BRWD1: variants seen among roughly 807,000 people sequenced by gnomAD.
BRWD1 encodes the protein bromodomain and WD repeat domain containing 1, also known as bromodomain and WD repeat-containing protein 1.
Under a neutral mutation model 251.2 loss-of-function variants are expected in BRWD1, and 82 were observed. That is an observed-to-expected ratio of 0.33 (90% CI 0.27 to 0.39). The LOEUF is 0.39. Among genes scored for constraint, BRWD1 ranks in the 10% least tolerant of loss-of-function variants. The pLI is 1.00. For missense variants in BRWD1, 2,233 were observed against 2,711.6 expected (o/e 0.82, Z 3.92); for synonymous variants, 918 against 902.8 (o/e 1.02, Z -0.30).
intron 15 of BRWD1, among the ~76,000 whole-genome samples, chr21:39,268,905 G>A (rs141360789): frequency 1.8e-3 from 269 of 152,026 alleles, no homozygotes; most frequent in African/African-American, 6.2e-3. Flanking sequence ...GGAGAATAGC[G>A]TGAACCCGGG....
At chr21:39,303,438 G>A (rs1236026207) in intron 4 of BRWD1, among the ~76,000 whole-genome samples, 1 of 149,190 alleles carries the variant, frequency 6.7e-6, no homozygotes, top group Non-Finnish European at 1.5e-5. Context: ...AGAATCGCTT[G>A]AGCCCAGGAG....
chr21:39,189,279 C>CA lies in BRWD1; in HGVS notation c.*6979dup. The CA allele has an allele frequency of 1.0e-6, 1 of 984,284 alleles. No homozygotes were observed. Among genetic ancestry groups the CA allele is most frequent in the Non-Finnish European group, 1.2e-6 (1 of 828,908 alleles). The allele number at this position is 984,284 out of a possible 1,614,324, so 61.0% of individuals were successfully genotyped here. A position where few individuals can be genotyped will look rare whatever the true frequency, so the allele number is the denominator to read the frequency against. ...GAACAGATAACTGGTTCATTCCCAA[C>CA]AACCTATTCATCCAGACAAATAGAT... On this transcript the variant is annotated 3_prime_UTR_variant, in exon 41 of 41. Coordinates refer to ENST00000342449, the MANE Select transcript of BRWD1 (RefSeq NM_033656.4).
chr21:39,229,786 G>A (rs990725687), intron 25 of BRWD1, among the ~76,000 whole-genome samples: 1 of 152,004 alleles, frequency 6.6e-6, no homozygotes, highest in African/African-American at 2.4e-5. Flanking sequence ...TAGGCTGGAG[G>A]GCAGTAGCAC....
chr21:39,264,726 C>T (rs747664593), intron 16 of BRWD1, 41 bp from the exon 17 acceptor site: 24 of 1,520,766 alleles, frequency 1.6e-5, no homozygotes, highest in Non-Finnish European at 8.9e-7. Flanking sequence ...TTAAGGTTCA[C>T]ACATTTTAAA....
Position 39,186,778 on chromosome 21 carries a change from G to T in BRWD1, c.*9481C>A, listed in dbSNP as rs1156721870. The stretch of plus-strand genomic sequence containing the variant: ...TCTGGAAAGGAATAGTAGTCTTATA[G>T]CAGGCCATTTGTCTTTTCTTTCCAC... On this transcript the variant is annotated 3_prime_UTR_variant, in exon 41 of 41. Coordinates refer to ENST00000342449, the MANE Select transcript of BRWD1 (RefSeq NM_033656.4). 1 of 393,740 alleles carries T rather than the reference G, an allele frequency of 2.5e-6. No individual in the cohort carries two copies. 24.4% of individuals were successfully genotyped at this position (393,740 alleles called of 1,614,324 possible).
In BRWD1 at chr21:39,204,299, T is replaced by C. The variant is rs150384384; in HGVS notation, c.4365-1754A>G. On this transcript the variant is annotated intron_variant, in intron 37 of 40. Transcript: ENST00000342449. ...ATTGTTTGCAATAGATTGAGATGCATAGTGTAGTCCCCAGAGCAACCACAA... is the reference window on the plus strand; with the variant it reads ...ATTGTTTGCAATAGATTGAGATGCACAGTGTAGTCCCCAGAGCAACCACAA... Among the ~76,000 whole-genome samples the C allele has an allele frequency of 9.9e-5, 15 of 151,496 alleles. 1 individual carries two copies. Among genetic ancestry groups the C allele is most frequent in the African/African-American group, 2.9e-4 (12 of 41,262 alleles).
Position 39,298,568 on chromosome 21 carries a change from C to CTTATT in BRWD1, c.208_212dup (p.His72IlefsTer72). On this transcript the variant is annotated frameshift_variant, in exon 5 of 41. Transcript: ENST00000342449. LOFTEE classifies it high-confidence loss of function. ...GCAAAAGATGATCAGGAGCCACATG[C>CTTATT]TTATTGGACAAGACCTAGTTGGAGA... 6.3e-7 allele frequency: 1 copy of CTTATT among 1,597,574 alleles called. No homozygotes were observed. The highest frequency in any genetic ancestry group is 8.5e-7 in the Non-Finnish European group (1 of 1,174,092).
intron 4 of BRWD1, among the ~76,000 whole-genome samples, chr21:39,308,938 G>C (rs1249395711): frequency 6.6e-6 from 1 of 152,184 alleles, no homozygotes. Flanking sequence ...CACTTTGGGA[G>C]GCCGAGGCGG....
Position 39,188,135 on chromosome 21 carries a change from TC to T in BRWD1, c.*8123del, listed in dbSNP as rs1182973852. 10 of 985,294 alleles carry T rather than the reference TC, an allele frequency of 1.0e-5. No homozygotes were observed. Among genetic ancestry groups the T allele is most frequent in the Non-Finnish European group, 1.2e-5 (10 of 829,916 alleles). The allele number at this position is 985,294 out of a possible 1,614,324, so 61.0% of individuals were successfully genotyped here. ...TTACCAGTGTCTCAAAGCCAAATTT[TC>T]AAATTTCACAAACAAGTCTAATTAG... On this transcript the variant is annotated 3_prime_UTR_variant, in exon 41 of 41. Transcript: ENST00000342449.
Position 39,204,951 on chromosome 21 carries a change from A to T in BRWD1, c.4364+1157T>A, listed in dbSNP as rs574485134. The stretch of plus-strand genomic sequence containing the variant: ...TCTACACAGGGAGCAGGTGCTGGGG[A>T]CTCCGACTCTATATTAAAGAGCCAA... On this transcript the variant is annotated intron_variant, in intron 37 of 40. Transcript: ENST00000342449. Among the ~76,000 whole-genome samples, 40 of 152,218 alleles carry T rather than the reference A, an allele frequency of 2.6e-4. 1 individual carries two copies. The South Asian group carries it at 8.3e-3, about 32-fold the overall frequency.
chr21:39,190,936 A>G lies in BRWD1; in HGVS notation c.*5323T>C. The G allele has an allele frequency of 9.1e-6, 9 of 985,310 alleles. No individual in the cohort carries two copies. Among genetic ancestry groups the G allele is most frequent in the Non-Finnish European group, 1.1e-5 (9 of 829,852 alleles). 61.0% of individuals were successfully genotyped at this position (985,310 alleles called of 1,614,324 possible). A position where few individuals can be genotyped will look rare whatever the true frequency, so the allele number is the denominator to read the frequency against. On this transcript the variant is annotated 3_prime_UTR_variant, in exon 41 of 41. Transcript: ENST00000342449. Reference sequence around the variant, plus strand: ...TTGTTCTTATTCTGGAACTACAACTAATCTAGCTCATCACAATACAGTTTT... The same window carrying G: ...TTGTTCTTATTCTGGAACTACAACTGATCTAGCTCATCACAATACAGTTTT...
chr21:39,301,978 G>GTTTTTTTTTT (rs750413248), intron 4 of BRWD1, among the ~76,000 whole-genome samples: 5 of 79,864 alleles, frequency 6.3e-5, no homozygotes, highest in Admixed American at 1.9e-4. Context: ...AGCTTTGTGT[G>GTTTTTTTTTT]TTTTTTTTTT....
At position 39,236,615 on chromosome 21, in the gene BRWD1, C is replaced by G; in HGVS notation, c.2746G>C (p.Glu916Gln). 1 of 1,606,112 alleles carries G rather than the reference C, an allele frequency of 6.2e-7. No individual in the cohort carries two copies. Among genetic ancestry groups the G allele is most frequent in the Non-Finnish European group, 8.5e-7 (1 of 1,176,074 alleles). Residue 916 changes from glutamate (E) to glutamine (Q), a missense_variant, in exon 23 of 41, where the codon GAA (glutamate) becomes CAA (glutamine). Physicochemically the swap from Glu to Gln is conservative, Grantham distance 29. Around this residue, in one of 12 missense-constraint regions of BRWD1, gnomAD observed 214 missense variants for 222.0 expected, o/e 0.96. Transcript: ENST00000342449. ...PPKRRRKRKK[E>Q]NKPKKENLRR... Reference sequence around the variant, plus strand: ...CTTACCTCCTTCTTAGGCTTATTTTCTTTCTTTCTCTTTCGTCTTCTTTTT... The same window carrying G: ...CTTACCTCCTTCTTAGGCTTATTTTGTTTCTTTCTCTTTCGTCTTCTTTTT...
At chr21:39,256,626 T>C (rs1460143877) in intron 18 of BRWD1, among the ~76,000 whole-genome samples, 11 of 151,948 alleles carry the variant, frequency 7.2e-5, no homozygotes, top group East Asian at 1.9e-4. Context: ...AAGGTGGGTA[T>C]AGGAGGCTGC....
At chr21:39,280,079 T>A in intron 9 of BRWD1, 69 bp downstream of exon 9, 1 of 1,168,150 alleles carries the variant, frequency 8.6e-7, no homozygotes, top group Admixed American at 2.8e-5. Flanking sequence ...ACAATAAAAC[T>A]TCATTTCATT....
intron 17 of BRWD1, among the ~76,000 whole-genome samples, chr21:39,260,654 C>T (rs1452258187): frequency 6.6e-6 from 1 of 152,144 alleles, no homozygotes; most frequent in Non-Finnish European, 1.5e-5. Context: ...CACTGGACAA[C>T]AGGCAGCACA....
chr21:39,241,261 T>A, intron 21 of BRWD1, among the ~76,000 whole-genome samples: 1 of 149,196 alleles, frequency 6.7e-6, no homozygotes, highest in Admixed American at 6.7e-5. Context: ...AGGTCAGGAG[T>A]TCAAGACCAG....
At chr21:39,314,102 T>C (rs1269012550), upstream of BRWD1, 3 of 455,998 alleles carry the variant, frequency 6.6e-6, no homozygotes, top group Non-Finnish European at 1.3e-5. Context: ...ACCGGTCGTC[T>C]GGGGCCAGTG....
At position 39,193,155 on chromosome 21, in the gene BRWD1, C is replaced by A. The variant is rs2031640843; in HGVS notation, c.*3104G>T. 1.0e-6 allele frequency: 1 copy of A among 985,012 alleles called. No homozygotes were observed. Among genetic ancestry groups the A allele is most frequent in the Non-Finnish European group, 1.2e-6 (1 of 829,702 alleles). The allele number at this position is 985,012 out of a possible 1,614,324, so 61.0% of individuals were successfully genotyped here. On this transcript the variant is annotated 3_prime_UTR_variant, in exon 41 of 41. Coordinates refer to ENST00000342449, the MANE Select transcript of BRWD1 (RefSeq NM_033656.4). ...AGTGCTTTTTCTTAAAACTTAAGTT[C>A]TTTGCCTCCATTTTCTTATAAACCC...
Sources: allele counts gnomAD v4.1 joint callset (sites outside exome capture counted in the v4.1 genomes callset), GRCh38; gene constraint gnomAD v4.1.1; regional missense constraint gnomAD v4.1.1; transcripts MANE v1.5; gene names NCBI Gene and HGNC (gene_info 2026-07-23, HGNC 2026-07-21).